The following ZNF554 variants were observed in gnomAD, a reference collection of about 807,000 sequenced individuals.
ZNF554 encodes the protein zinc finger protein 554.
Under a neutral mutation model 21.2 loss-of-function variants are expected in ZNF554, and 15 were observed. The observed-to-expected ratio is 0.71, with a 90% CI of 0.47 to 1.09. ZNF554 has a LOEUF of 1.09. ZNF554 is among the 50% of genes least tolerant of loss of function. The probability of loss-of-function intolerance (pLI) is 0.00; values close to 1 mark genes in which losing one functional copy is unlikely to be tolerated. For synonymous variants in ZNF554, 258 were observed against 251.4 expected, an observed-to-expected ratio of 1.03 and a Z score of -0.25; for missense variants, 691 against 662.7, an observed-to-expected ratio of 1.04 and a Z score of -0.47.
chr19:2,834,546 A>G lies in ZNF554; in HGVS notation c.1311A>G (p.Glu437=), dbSNP rs774691965. ...CACACACCGGAGAGAAGCCCTACGA[A>G]TGCAGTGAATGTGGAAAGGCCTTCA... ...KRTHTGEKPY[E]CSECGKAFSD... is the part of the protein sequence containing the mutation. Residue 437 remains glutamate (E), a synonymous_variant, in exon 5 of 5, where the codon GAA becomes GAG. Coordinates refer to ENST00000317243, the MANE Select transcript of ZNF554 (RefSeq NM_001102651.2). 2 of 1,614,106 alleles carry G rather than the reference A, an allele frequency of 1.2e-6. No homozygotes were observed. Among genetic ancestry groups the G allele is most frequent in the Non-Finnish European group, 1.7e-6 (2 of 1,180,020 alleles).
chr19:2,822,279 G>A (rs1453040321), intron 1 of ZNF554, among the ~76,000 whole-genome samples: 1 of 151,944 alleles, frequency 6.6e-6, no homozygotes, highest in Non-Finnish European at 1.5e-5. Flanking sequence ...TTGAACCCCT[G>A]GGCTCAAGTG....
At position 2,832,383 on chromosome 19, in the gene ZNF554, C is replaced by G; in HGVS notation, c.334C>G (p.Leu112Val). The G allele has an allele frequency of 4.3e-6, 7 of 1,614,188 alleles. No individual in the cohort carries two copies. Among genetic ancestry groups the G allele is most frequent in the Non-Finnish European group, 5.9e-6 (7 of 1,180,030 alleles). The change falls in exon 4 of 5, where the codon CTT becomes GTT. Residue 112 changes from leucine to valine, a missense_variant. By Grantham distance (32) the Leu-to-Val change is conservative. Transcript: ENST00000317243. ...AGCACAAACCTCACAAGTCACTAGT[C>G]TTTCCTCATGGACGGGGTATTTACT... The part of the protein sequence containing the change: ...SPAQTSQVTS[L>V]SSWTGYLLFQ...
Position 2,835,217 on chromosome 19 carries a change from A to G in ZNF554, c.*365A>G, listed in dbSNP as rs1009748930. Reference sequence around the variant, plus strand: ...GCAGGGTGCGGTGGCTCATGCCTATAATCCTAACACTTTAGGAGGCCGAGG... The same window carrying G: ...GCAGGGTGCGGTGGCTCATGCCTATGATCCTAACACTTTAGGAGGCCGAGG... On this transcript the variant is annotated 3_prime_UTR_variant, in exon 5 of 5. Coordinates refer to ENST00000317243, the MANE Select transcript of ZNF554 (RefSeq NM_001102651.2). 4.1e-5 allele frequency: 8 copies of G among 194,270 alleles called. No individual in the cohort carries two copies. In the Admixed American group the frequency reaches 4.2e-4, roughly 10 times the overall value. The allele number at this position is 194,270 out of a possible 1,614,324, so 12.0% of individuals were successfully genotyped here.
intron 3 of ZNF554, 78 bp from the exon 4 acceptor site, chr19:2,832,225 A>C: frequency 8.0e-6 from 11 of 1,377,618 alleles, no homozygotes; most frequent in Non-Finnish European, 9.8e-6. Context: ...CATGCCTGGC[A>C]CAGATCTGTA....
At chr19:2,825,169 T>C (rs1232046206) in intron 2 of ZNF554, among the ~76,000 whole-genome samples, 2 of 152,072 alleles carry the variant, frequency 1.3e-5, no homozygotes, top group Non-Finnish European at 2.9e-5. Context: ...TGTGCCACCA[T>C]ACCCAGCCAA....
At chr19:2,823,406 C>T (rs1330017219) in intron 2 of ZNF554, among the ~76,000 whole-genome samples, 2 of 152,140 alleles carry the variant, frequency 1.3e-5, no homozygotes, top group African/African-American at 4.8e-5. Context: ...AGTTCTTGTC[C>T]TGCATCCAAG....
At position 2,834,188 on chromosome 19, in the gene ZNF554, A is replaced by G. The variant is rs1466672455; in HGVS notation, c.953A>G (p.Asn318Ser). ...GCCCTGACTATCCACAACAAAATCAACACGGCAGAGAAACCCTTTGAGTGC... is the reference window on the plus strand; with the variant it reads ...GCCCTGACTATCCACAACAAAATCAGCACGGCAGAGAAACCCTTTGAGTGC... ...GMALTIHNKI[N>S]TAEKPFECHQ... Residue 318 changes from asparagine (N) to serine (S), a missense_variant, in exon 5 of 5, where the codon AAC becomes AGC. Coordinates refer to ENST00000317243, the MANE Select transcript of ZNF554 (RefSeq NM_001102651.2). 1 of 1,614,060 alleles carries G rather than the reference A, an allele frequency of 6.2e-7. No individual in the cohort carries two copies. The highest frequency in any genetic ancestry group is 1.7e-5 in the Admixed American group (1 of 60,014).
chr19:2,828,121 T>A (rs572653020), intron 3 of ZNF554, among the ~76,000 whole-genome samples: 1 of 152,270 alleles, frequency 6.6e-6, no homozygotes, highest in South Asian at 2.1e-4. Flanking sequence ...AAGGTGAGAT[T>A]TGGATGGCAA....
chr19:2,833,845 G>A lies in ZNF554; in HGVS notation c.610G>A (p.Ala204Thr), dbSNP rs201449932. ...CCCCCAGGGGCTTTTGAGCCAAAAG[G>A]CATCCCTTCACGTAGTGGCCGTTCC... The part of the protein sequence containing the change: ...EDPQGLLSQK[A>T]SLHVVAVPQE... Residue 204 changes from alanine (A) to threonine (T), a missense_variant, in exon 5 of 5, where the codon GCA becomes ACA. Transcript: ENST00000317243. 2.5e-6 allele frequency: 4 copies of A among 1,612,596 alleles called. No individual in the cohort carries two copies. The African/African-American group carries it at 4.0e-5, about 16-fold the overall frequency.
At chr19:2,824,220 C>CT in intron 2 of ZNF554, among the ~76,000 whole-genome samples, 1 of 152,262 alleles carries the variant, frequency 6.6e-6, no homozygotes, top group South Asian at 2.1e-4. Context: ...GGAGGCAGGG[C>CT]TCTCACTTGT....
chr19:2,832,556 G>A (rs775460912), intron 4 of ZNF554, 62 bp downstream of exon 4: 14 of 1,502,052 alleles, frequency 9.3e-6, no homozygotes, highest in Middle Eastern at 4.1e-4. Flanking sequence ...ACATTGGTCA[G>A]AGAGCTCTTC....
chr19:2,834,066 A>C lies in ZNF554; in HGVS notation c.831A>C (p.Glu277Asp). The C allele has an allele frequency of 6.2e-7, 1 of 1,614,132 alleles. No homozygotes were observed. The highest frequency in any genetic ancestry group is 8.5e-7 in the Non-Finnish European group (1 of 1,180,032). ...ATCGGAGACCTTGTGAAAGTAATGA[A>C]TGTGGAAATGCCATCCGCCAGAACA... The part of the protein sequence containing the change: ...YADRRPCESN[E>D]CGNAIRQNSH... Residue 277 changes from glutamate to aspartate, a missense_variant, in exon 5 of 5, where the codon GAA becomes GAC. Transcript: ENST00000317243.
rs555471109 is a variant in ZNF554, at chr19:2,834,657, C to T, written c.1422C>T (p.Ser474=). 3.6e-5 allele frequency: 58 copies of T among 1,614,012 alleles called. 2 individuals are homozygous for T. The South Asian group carries it at 6.0e-4, about 17-fold the overall frequency. ...GTAAGCAGTGTGGGAGAGCCTTCAGCCAGAGGTCTTCCCTTGTGAGGCACG... is the reference window on the plus strand; with the variant it reads ...GTAAGCAGTGTGGGAGAGCCTTCAGTCAGAGGTCTTCCCTTGTGAGGCACG... ...YECKQCGRAF[S]QRSSLVRHER... is the part of the protein sequence containing the mutation. Residue 474 remains serine (S), a synonymous_variant, in exon 5 of 5, where the codon AGC becomes AGT. Transcript: ENST00000317243.
chr19:2,831,723 C>T (rs2087422933), intron 3 of ZNF554: 1 of 152,238 alleles, frequency 6.6e-6, no homozygotes, highest in African/African-American at 2.4e-5. Context: ...CCTCAATCTC[C>T]CAGGTAGCTG....
chr19:2,834,119 T>C lies in ZNF554; in HGVS notation c.884T>C (p.Met295Thr). 6.2e-7 allele frequency: 1 copy of C among 1,614,048 alleles called. No individual in the cohort carries two copies. The highest frequency in any genetic ancestry group is 1.3e-5 in the African/African-American group (1 of 75,042). The change falls in exon 5 of 5, where the codon ATG (methionine) becomes ACG (threonine). Residue 295 changes from methionine to threonine, a missense_variant. By Grantham distance (81) the Met-to-Thr change is moderately conservative (BLOSUM62 -1). Coordinates refer to ENST00000317243, the MANE Select transcript of ZNF554 (RefSeq NM_001102651.2). ...CACTTTATTCAACACGGGGGGAAGA[T>C]GTTTGTGTATTTGGAAAATGGGCAG... ...NSHFIQHGGK[M>T]FVYLENGQSL...
At chr19:2,825,371 C>A (rs2087318293) in intron 2 of ZNF554, among the ~76,000 whole-genome samples, 1 of 152,114 alleles carries the variant, frequency 6.6e-6, no homozygotes, top group Middle Eastern at 3.2e-3. Flanking sequence ...AGTGCAGTGG[C>A]ACAATCTCAG....
At chr19:2,827,848 T>A in intron 3 of ZNF554, 105 bp downstream of exon 3, 1 of 1,420,184 alleles carries the variant, frequency 7.0e-7, no homozygotes, top group Non-Finnish European at 9.6e-7. Context: ...CTGGGTAATT[T>A]GTAAAGGAAA....
intron 4 of ZNF554, 124 bp downstream of exon 4, chr19:2,832,618 T>A: frequency 1.1e-6 from 1 of 947,788 alleles, no homozygotes; most frequent in South Asian, 1.8e-5. Flanking sequence ...CTCGGACACC[T>A]TCAGTTCATT....
rs1198436084 is a variant in ZNF554, at chr19:2,821,485, A to C, written c.53+1361A>C. 6.6e-6 allele frequency among the ~76,000 whole-genome samples: 1 copy of C among 151,814 alleles called. No homozygotes were observed. Among genetic ancestry groups the C allele is most frequent in the Non-Finnish European group, 1.5e-5 (1 of 68,018 alleles). On this transcript the variant is annotated intron_variant, in intron 1 of 4. Transcript: ENST00000317243. The surrounding 1 kb of genome is among the most constrained non-coding windows in gnomAD (Gnocchi z 8.2). ...CACAAGTCTGGAGGCCAGAAGCCCAACATGAAGATGTGGTGGGGCCGTGGT... is the reference window on the plus strand; with the variant it reads ...CACAAGTCTGGAGGCCAGAAGCCCACCATGAAGATGTGGTGGGGCCGTGGT...
Sources: allele counts gnomAD v4.1 joint callset (sites outside exome capture counted in the v4.1 genomes callset), GRCh38; gene constraint gnomAD v4.1.1; non-coding constraint Gnocchi (gnomAD v3.1); transcripts MANE v1.5; gene names NCBI Gene and HGNC (gene_info 2026-07-23, HGNC 2026-07-21).